Variants in ZFYVE16 observed in about 807,000 individuals in gnomAD.
The protein encoded by ZFYVE16 is zinc finger FYVE domain-containing protein 16.
ZFYVE16 carries 89 observed loss-of-function variants against 138.1 expected under a neutral mutation model. That is an observed-to-expected ratio of 0.64 (90% confidence interval 0.54 to 0.77). The LOEUF is 0.77. Among genes scored for constraint, ZFYVE16 ranks in the 30% least tolerant of loss-of-function variants. The pLI, the probability that ZFYVE16 is intolerant of heterozygous loss-of-function variation, is 0.00. For missense variants in ZFYVE16, 1,793 were observed against 1,786.7 expected (o/e 1.00, Z -0.06); for synonymous variants, 596 against 618.3 (o/e 0.96, Z 0.53).
intron 1 of ZFYVE16, among the ~76,000 whole-genome samples, chr5:80,416,679 T>C (rs1051241073): frequency 6.6e-6 from 1 of 152,136 alleles, no homozygotes; most frequent in Admixed American, 6.5e-5. Flanking sequence ...CTCCCATTGT[T>C]GTATGTGTGT....
At chr5:80,421,146 TG>T (rs1178554276) in intron 1 of ZFYVE16, among the ~76,000 whole-genome samples, 1 of 152,098 alleles carries the variant, frequency 6.6e-6, no homozygotes, top group Non-Finnish European at 1.5e-5. Context: ...TGGGGTTGTT[TG>T]TTTTTTTCTT....
At chr5:80,413,471 CAAAA>C (rs70988468) in intron 1 of ZFYVE16, among the ~76,000 whole-genome samples, 3 of 124,528 alleles carry the variant, frequency 2.4e-5, no homozygotes, top group Non-Finnish European at 4.9e-5. Context: ...AACTTCATCT[CAAAA>C]AAAAAAAAAA....
chr5:80,473,835 T>A lies in ZFYVE16; in HGVS notation c.4269T>A (p.Asp1423Glu). 1 of 1,613,104 alleles carries A rather than the reference T, an allele frequency of 6.2e-7. No homozygotes were observed. The highest frequency in any genetic ancestry group is 2.2e-5 in the East Asian group (1 of 44,756). ...KIKLEADFET[D>E]EKIVKCTEVF... ...AACTGGAAGCAGATTTTGAAACCGA[T>A]GAGAAGATTGTAAAATGTACCGAGG... Residue 1423 changes from aspartate (D) to glutamate (E), a missense_variant, in exon 17 of 19, where the codon GAT (aspartate) becomes GAA (glutamate). Asp to Glu is a conservative substitution (Grantham distance 45). This residue lies in a region of ZFYVE16 where 498 missense variants were observed against 582.4 expected (regional missense o/e 0.86). Coordinates refer to ENST00000505560, the MANE Select transcript of ZFYVE16 (RefSeq NM_001284236.3).
At chr5:80,441,007 C>T (rs1198058102) in intron 5 of ZFYVE16, 4 of 985,146 alleles carry the variant, frequency 4.1e-6, no homozygotes, top group Middle Eastern at 5.2e-4. Context: ...GATAACAAAG[C>T]GTAAATCTTT....
chr5:80,437,868 G>T lies in ZFYVE16; in HGVS notation c.1183G>T (p.Gly395Cys). The T allele has an allele frequency of 6.2e-7, 1 of 1,613,858 alleles. No homozygotes were observed. ...ATCATTAATTGAAAGTAAAGCACGG[G>T]GTGATTTTTTACCTCAGCATGAACA... The part of the protein sequence containing the change: ...CGSLIESKAR[G>C]DFLPQHEHKD... Residue 395 changes from glycine (G) to cysteine (C), a missense_variant, in exon 4 of 19, where the codon GGT becomes TGT. Gly to Cys is a radical substitution (Grantham distance 159). Coordinates refer to ENST00000505560, the MANE Select transcript of ZFYVE16 (RefSeq NM_001284236.3).
chr5:80,457,565 G>T (rs183627532), intron 14 of ZFYVE16, among the ~76,000 whole-genome samples: 176 of 152,158 alleles, frequency 1.2e-3, no homozygotes, highest in African/African-American at 4.1e-3. Flanking sequence ...TGCAGTAGAA[G>T]GCCTAACAAA....
chr5:80,472,842 C>A lies in ZFYVE16; in HGVS notation c.4106C>A (p.Thr1369Lys), dbSNP rs761986727. ...ALREQKDFKI[T>K]CGKVDAVDLR... ...CGAGAACAGAAAGACTTTAAAATTACATGTGGGAAAGTTGATGCAGTAGAC... is the reference window on the plus strand; with the variant it reads ...CGAGAACAGAAAGACTTTAAAATTAAATGTGGGAAAGTTGATGCAGTAGAC... Residue 1369 changes from threonine to lysine, a missense_variant, in exon 16 of 19, where the codon ACA becomes AAA. Thr to Lys is a moderately conservative substitution (Grantham distance 78). This residue lies in a region of ZFYVE16 where 498 missense variants were observed against 582.4 expected (regional missense o/e 0.86). Coordinates refer to ENST00000505560, the MANE Select transcript of ZFYVE16 (RefSeq NM_001284236.3). The A allele has an allele frequency of 1.2e-6, 2 of 1,613,806 alleles. No homozygotes were observed. Among genetic ancestry groups the A allele is most frequent in the Admixed American group, 3.3e-5 (2 of 59,978 alleles).
chr5:80,456,621 A>G (rs1246587016), intron 13 of ZFYVE16, 56 bp downstream of exon 13: 131 of 1,464,816 alleles, frequency 8.9e-5, no homozygotes, highest in Non-Finnish European at 1.2e-4. Flanking sequence ...GTTCCCTTAG[A>G]ATTGTGTCAC....
At chr5:80,411,915 C>G (rs973994463) in intron 1 of ZFYVE16, 12 of 152,212 alleles carry the variant, frequency 7.9e-5, no homozygotes, top group African/African-American at 2.7e-4. Context: ...TTCTCCCTTG[C>G]TTTCGGTCTC....
intron 2 of ZFYVE16, among the ~76,000 whole-genome samples, chr5:80,432,076 A>G (rs2112318315): frequency 6.6e-6 from 1 of 152,336 alleles, no homozygotes; most frequent in Admixed American, 6.5e-5. Flanking sequence ...CAGAATTGGC[A>G]AAAACTACTT....
rs1420350347 is a variant in ZFYVE16, at chr5:80,480,305, A to G, written c.*2928A>G. 6.6e-6 allele frequency among the ~76,000 whole-genome samples: 1 copy of G among 152,216 alleles called. No homozygotes were observed. The highest frequency in any genetic ancestry group is 1.9e-4 in the East Asian group (1 of 5,204). On this transcript the variant is annotated 3_prime_UTR_variant, in exon 19 of 19. Coordinates refer to ENST00000505560, the MANE Select transcript of ZFYVE16 (RefSeq NM_001284236.3). Reference sequence around the variant, plus strand: ...AACTGAATATAAACATTACAAGAATATACATAAAAACTGCACTTTAAAACT... The same window carrying G: ...AACTGAATATAAACATTACAAGAATGTACATAAAAACTGCACTTTAAAACT...
At chr5:80,422,591 A>G (rs1747384727) in intron 1 of ZFYVE16, among the ~76,000 whole-genome samples, 1 of 151,986 alleles carries the variant, frequency 6.6e-6, no homozygotes, top group African/African-American at 2.4e-5. Context: ...AGTAGCTGGG[A>G]TTACAGGTGC....
At position 80,481,492 on chromosome 5, in the gene ZFYVE16, C is replaced by T. The variant is rs1755268348; in HGVS notation, c.*4115C>T. Among the ~76,000 whole-genome samples the T allele has an allele frequency of 1.3e-5, 2 of 152,000 alleles. No homozygotes were observed. Among genetic ancestry groups the T allele is most frequent in the African/African-American group, 4.8e-5 (2 of 41,386 alleles). ...GTTTCAGATTGGCCACTAGATGGTG[C>T]ACAACTGGGGCAAAGAACAGCTTAA... is the stretch of plus-strand genomic sequence containing the variant. On this transcript the variant is annotated 3_prime_UTR_variant, in exon 19 of 19. Coordinates refer to ENST00000505560, the MANE Select transcript of ZFYVE16 (RefSeq NM_001284236.3).
chr5:80,471,417 C>G (rs1359388106), intron 15 of ZFYVE16, among the ~76,000 whole-genome samples: 1 of 152,158 alleles, frequency 6.6e-6, no homozygotes, highest in Non-Finnish European at 1.5e-5. Flanking sequence ...AAATTCTTAT[C>G]TCTGTATACT....
intron 15 of ZFYVE16, among the ~76,000 whole-genome samples, chr5:80,462,150 T>C (rs1753188617): frequency 6.6e-6 from 1 of 152,254 alleles, no homozygotes; most frequent in African/African-American, 2.4e-5. Context: ...TTGGATTTTC[T>C]AATTATTTTT....
Position 80,479,130 on chromosome 5 carries a change from C to T in ZFYVE16, c.*1753C>T, listed in dbSNP as rs542238169. ...ATTATGTGCCTGAAGTTTGGAGGCA[C>T]ATTTTGAAGTATTCTTTGTAGACAT... is the stretch of plus-strand genomic sequence containing the variant. On this transcript the variant is annotated 3_prime_UTR_variant, in exon 19 of 19. Transcript: ENST00000505560. 1.3e-5 allele frequency: 2 copies of T among 152,156 alleles called. No homozygotes were observed. Among genetic ancestry groups the T allele is most frequent in the Non-Finnish European group, 2.9e-5 (2 of 67,980 alleles). The allele number at this position is 152,156 out of a possible 1,614,324, so 9.4% of individuals were successfully genotyped here. A position where few individuals can be genotyped will look rare whatever the true frequency, so the allele number is the denominator to read the frequency against.
intron 1 of ZFYVE16, among the ~76,000 whole-genome samples, chr5:80,422,871 A>G (rs974517689): frequency 2.0e-5 from 3 of 152,228 alleles, no homozygotes; most frequent in Admixed American, 2.0e-4. Context: ...ATACCTGGAT[A>G]AATCATATTG....
chr5:80,434,952 C>T lies in ZFYVE16; in HGVS notation c.70+735C>T, dbSNP rs1445278832. Among the ~76,000 whole-genome samples, 3 of 152,158 alleles carry T rather than the reference C, an allele frequency of 2.0e-5. No homozygotes were observed. In the East Asian group the frequency reaches 5.8e-4, roughly 29 times the overall value. ...TGTCAGCTCACTGCAACCTCCACTT[C>T]CCGGGTTCAAGCACTTCTTCTGCCT... is the stretch of plus-strand genomic sequence containing the variant. On this transcript the variant is annotated intron_variant, in intron 3 of 18. Coordinates refer to ENST00000505560, the MANE Select transcript of ZFYVE16 (RefSeq NM_001284236.3).
intron 14 of ZFYVE16, 21 bp downstream of exon 14, chr5:80,457,113 T>C: frequency 1.2e-6 from 2 of 1,604,488 alleles, no homozygotes; most frequent in Non-Finnish European, 1.7e-6. Flanking sequence ...TGGTTCCTAG[T>C]GCTAATTTAC....
Sources: allele counts gnomAD v4.1 joint callset (sites outside exome capture counted in the v4.1 genomes callset), GRCh38; gene constraint gnomAD v4.1.1; regional missense constraint gnomAD v4.1.1; transcripts MANE v1.5; gene names NCBI Gene and HGNC (gene_info 2026-07-23, HGNC 2026-07-21).